CISH: variants seen among roughly 807,000 people sequenced by gnomAD.
CISH encodes the protein cytokine-inducible SH2-containing protein.
CISH carries 11 observed loss-of-function variants against 21.3 expected under a neutral mutation model. That is an observed-to-expected ratio of 0.52 (90% CI 0.32 to 0.85). The LOEUF (loss-of-function observed/expected upper bound fraction) is 0.85, where lower values mean the gene tolerates loss of function less well. CISH is among the 40% of genes least tolerant of loss of function. The pLI, the probability that CISH is intolerant of heterozygous loss-of-function variation, is 0.03. For missense variants in CISH, 280 were observed against 351.7 expected (o/e 0.80, Z 1.63); for synonymous variants, 118 against 142.3 (o/e 0.83, Z 1.22).
Position 50,607,802 on chromosome 3 carries a change from G to A in CISH, c.582C>T (p.Asp194=). The change falls in exon 3 of 3, where the codon GAC becomes GAT. Residue 194 remains aspartate, a synonymous_variant. Transcript: ENST00000348721. ...CTGGTGGAGGAGCAGGCAGTGCTGG[G>A]TCACTAGGCGCATCCTCCTTAGGCA... ...LPMPKEDAPS[D]PALPAPPPAT... 6.2e-7 allele frequency: 1 copy of A among 1,613,836 alleles called. No individual in the cohort carries two copies. The highest frequency in any genetic ancestry group is 8.5e-7 in the Non-Finnish European group (1 of 1,179,928).
Position 50,608,129 on chromosome 3 carries a change from A to G in CISH, c.255T>C (p.Gly85=). 6.2e-7 allele frequency: 1 copy of G among 1,604,608 alleles called. No individual in the cohort carries two copies. Among genetic ancestry groups the G allele is most frequent in the Non-Finnish European group, 8.5e-7 (1 of 1,173,918 alleles). ...SYLRESGWYW[G]SITASEARQH... is the part of the protein sequence containing the mutation. Reference sequence around the variant, plus strand: ...GTCGGGCCTCGCTGGCCGTAATGGAACCCCAATACCAGCCTAGGCAAGTGC... The same window carrying G: ...GTCGGGCCTCGCTGGCCGTAATGGAGCCCCAATACCAGCCTAGGCAAGTGC... The change falls in exon 3 of 3, where the codon GGT becomes GGC. Residue 85 remains glycine, a synonymous_variant. Transcript: ENST00000348721.
chr3:50,607,272 G>C lies in CISH; in HGVS notation c.*335C>G, dbSNP rs1469758739. On this transcript the variant is annotated 3_prime_UTR_variant, in exon 3 of 3. Coordinates refer to ENST00000348721, the MANE Select transcript of CISH (RefSeq NM_145071.4). ...CCCTGGGGATTGAAAAACCAGGGCT[G>C]AGAGTGCCCATACAGTTCAGGTGGC... The C allele has an allele frequency of 1.3e-5, 4 of 296,554 alleles. No individual in the cohort carries two copies. The highest frequency in any genetic ancestry group is 2.6e-5 in the Non-Finnish European group (4 of 156,528). The allele number at this position is 296,554 out of a possible 1,614,324, so 18.4% of individuals were successfully genotyped here.
At chr3:50,611,486 C>G in intron 1 of CISH, 145 bp downstream of exon 1, 1 of 1,470,686 alleles carries the variant, frequency 6.8e-7, no homozygotes, top group Non-Finnish European at 8.9e-7. Context: ...CACAGCCCCA[C>G]ACAGAGCCTT....
chr3:50,610,616 A>C (rs2032295586), intron 1 of CISH: 1 of 1,453,372 alleles, frequency 6.9e-7, no homozygotes, highest in South Asian at 1.4e-5. Context: ...GCAGGTATTC[A>C]GGAGTCCCAG....
At chr3:50,608,814 T>C (rs935006057) in intron 1 of CISH, 34 of 433,108 alleles carry the variant, frequency 7.9e-5, no homozygotes, top group African/African-American at 6.3e-4. Flanking sequence ...GGATCCTCTT[T>C]TGAAAGATTC....
Position 50,608,437 on chromosome 3 carries a change from C to T in CISH, c.177G>A (p.Lys59=). ...GCAGATCCTCCTCTGGGTCCAGCACCTTTGGCTCACTCTCTGTCTGGGCTG... is the reference window on the plus strand; with the variant it reads ...GCAGATCCTCCTCTGGGTCCAGCACTTTTGGCTCACTCTCTGTCTGGGCTG... ...GTPAQTESEP[K]VLDPEEDLLC... Residue 59 remains lysine (K), a synonymous_variant, in exon 2 of 3, where the codon AAG becomes AAA. Transcript: ENST00000348721. The T allele has an allele frequency of 6.2e-7, 1 of 1,613,822 alleles. No individual in the cohort carries two copies. Among genetic ancestry groups the T allele is most frequent in the Non-Finnish European group, 8.5e-7 (1 of 1,179,860 alleles).
At chr3:50,610,689 T>C in intron 1 of CISH, 1 of 1,367,094 alleles carries the variant, frequency 7.3e-7, no homozygotes, top group South Asian at 1.6e-5. Flanking sequence ...TCCCAGCACC[T>C]CCATGTCCTC....
Position 50,608,390 on chromosome 3 carries a change from G to A in CISH, c.224C>T (p.Ser75Phe), listed in dbSNP as rs2107558924. Residue 75 changes from serine to phenylalanine, a missense_variant, in exon 2 of 3, where the codon TCC (serine) becomes TTC (phenylalanine). Coordinates refer to ENST00000348721, the MANE Select transcript of CISH (RefSeq NM_145071.4). ...EDLLCIAKTF[S>F]YLRESGWYWG... is the part of the protein sequence containing the mutation. Reference sequence around the variant, plus strand: ...AGACTCACCAGATTCCCGAAGGTAGGAGAAGGTCTTGGCTATGCACAGCAG... The same window carrying A: ...AGACTCACCAGATTCCCGAAGGTAGAAGAAGGTCTTGGCTATGCACAGCAG... 2 of 1,606,066 alleles carry A rather than the reference G, an allele frequency of 1.2e-6. No individual in the cohort carries two copies. Among genetic ancestry groups the A allele is most frequent in the Non-Finnish European group, 1.7e-6 (2 of 1,176,280 alleles).
Position 50,611,653 on chromosome 3 carries a change from C to A in CISH, c.-3G>T, listed in dbSNP as rs1173925437. ...TACCCCTGAACGCAGAGGACCATGT[C>A]CCCGCGGCAGCGGCGACTCCGGAGT... is the stretch of plus-strand genomic sequence containing the variant. On this transcript the variant is annotated 5_prime_UTR_variant, in exon 1 of 3. Coordinates refer to ENST00000348721, the MANE Select transcript of CISH (RefSeq NM_145071.4). The A allele has an allele frequency of 1.3e-6, 2 of 1,490,926 alleles. No homozygotes were observed. Among genetic ancestry groups the A allele is most frequent in the African/African-American group, 2.9e-5 (2 of 68,162 alleles). 92.4% of individuals were successfully genotyped at this position (1,490,926 alleles called of 1,614,324 possible). A position where few individuals can be genotyped will look rare whatever the true frequency, so the allele number is the denominator to read the frequency against.
chr3:50,607,581 G>A lies in CISH; in HGVS notation c.*26C>T, dbSNP rs757826629. On this transcript the variant is annotated 3_prime_UTR_variant, in exon 3 of 3. Coordinates refer to ENST00000348721, the MANE Select transcript of CISH (RefSeq NM_145071.4). ...TGTCCCCTCCAGGGTGCGACTGGGT[G>A]AGGGTGGGCAGATTGCCCCGTACAG... 6.9e-6 allele frequency: 11 copies of A among 1,587,310 alleles called. No homozygotes were observed. The highest frequency in any genetic ancestry group is 6.9e-5 in the South Asian group (6 of 87,486).
rs201896056 is a variant in CISH at position 50,608,480 on chromosome 3, T to A, written c.134A>T (p.Glu45Val). ...CTGGGCTGGGGTACCCTCTGCCACC[T>A]CCTCGAGGAAGGCCCCAGCAGGCAA... ...QPLPAGAFLE[E>V]VAEGTPAQTE... The change falls in exon 2 of 3, where the codon GAG becomes GTG. Residue 45 changes from glutamate (E) to valine (V), a missense_variant. By Grantham distance (121) the Glu-to-Val change is moderately radical. Coordinates refer to ENST00000348721, the MANE Select transcript of CISH (RefSeq NM_145071.4). 273 of 1,613,276 alleles carry A rather than the reference T, an allele frequency of 1.7e-4. 1 individual carries two copies. The East Asian group carries it at 5.7e-3, about 34-fold the overall frequency.
chr3:50,610,723 T>A, intron 1 of CISH: 2 of 1,286,214 alleles, frequency 1.6e-6, no homozygotes, highest in Non-Finnish European at 2.0e-6. Flanking sequence ...CCTTCCACCC[T>A]CCCTCACTTG....
At position 50,608,454 on chromosome 3, in the gene CISH, T is replaced by A. The variant is rs1296833352; in HGVS notation, c.160A>T (p.Thr54Ser). 1 of 1,613,810 alleles carries A rather than the reference T, an allele frequency of 6.2e-7. No individual in the cohort carries two copies. Among genetic ancestry groups the A allele is most frequent in the Non-Finnish European group, 8.5e-7 (1 of 1,179,876 alleles). ...TCCAGCACCTTTGGCTCACTCTCTG[T>A]CTGGGCTGGGGTACCCTCTGCCACC... ...EEVAEGTPAQ[T>S]ESEPKVLDPE... Residue 54 changes from threonine (T) to serine (S), a missense_variant, in exon 2 of 3, where the codon ACA becomes TCA. Transcript: ENST00000348721.
chr3:50,608,328 C>A, intron 2 of CISH, 45 bp downstream of exon 2: 1 of 1,538,458 alleles, frequency 6.5e-7, no homozygotes. Context: ...AAGCTTCTCC[C>A]ACCAGACTAC....
chr3:50,608,713 G>T, intron 1 of CISH, 120 bp from the exon 2 acceptor site: 1 of 629,426 alleles, frequency 1.6e-6, no homozygotes, highest in Non-Finnish European at 2.5e-6. Flanking sequence ...ATGAGCCTCA[G>T]CTTCCCCTCT....
rs948684941 is a variant in CISH, at chr3:50,606,636, G to A, written c.*971C>T. 1 of 152,214 alleles carries A rather than the reference G, an allele frequency of 6.6e-6. No homozygotes were observed. Among genetic ancestry groups the A allele is most frequent in the Non-Finnish European group, 1.5e-5 (1 of 68,038 alleles). The allele number at this position is 152,214 out of a possible 1,614,324, so 9.4% of individuals were successfully genotyped here. A position where few individuals can be genotyped will look rare whatever the true frequency, so the allele number is the denominator to read the frequency against. ...TATTTCATGAAGTCTTATCAGACGT[G>A]TATTTCTCTCCTCTCATGTGCAGGC... On this transcript the variant is annotated 3_prime_UTR_variant, in exon 3 of 3. Coordinates refer to ENST00000348721, the MANE Select transcript of CISH (RefSeq NM_145071.4).
intron 1 of CISH, chr3:50,611,235 G>C (rs374526251): frequency 9.2e-7 from 1 of 1,085,144 alleles, no homozygotes; most frequent in African/African-American, 1.7e-5. Context: ...GCCAGGGGCT[G>C]GTCCAAGGTT....
chr3:50,607,550 G>T lies in CISH; in HGVS notation c.*57C>A. The T allele has an allele frequency of 6.5e-7, 1 of 1,539,400 alleles. No homozygotes were observed. Among genetic ancestry groups the T allele is most frequent in the Non-Finnish European group, 8.8e-7 (1 of 1,134,000 alleles). ...ACAGTGGGGGCCCAAGTCCAGCTGG[G>T]GCTGATGTCCCCTCCAGGGTGCGAC... On this transcript the variant is annotated 3_prime_UTR_variant, in exon 3 of 3. Coordinates refer to ENST00000348721, the MANE Select transcript of CISH (RefSeq NM_145071.4).
Position 50,611,639 on chromosome 3 carries a change from G to C in CISH, c.12C>G (p.Cys4Trp). Residue 4 changes from cysteine to tryptophan, a missense_variant, in exon 1 of 3, where the codon TGC becomes TGG. Physicochemically the swap from Cys to Trp is radical, Grantham distance 215. Transcript: ENST00000348721. MVLCVQGPRPLLAV... is the reference protein window; with the variant it reads MVLWVQGPRPLLAV... The stretch of plus-strand genomic sequence containing the variant: ...CAGAGAGCCGCGCTTACCCCTGAAC[G>C]CAGAGGACCATGTCCCCGCGGCAGC... 6.6e-7 allele frequency: 1 copy of C among 1,506,686 alleles called. No individual in the cohort carries two copies. The highest frequency in any genetic ancestry group is 1.3e-5 in the South Asian group (1 of 79,722). 93.3% of individuals were successfully genotyped at this position (1,506,686 alleles called of 1,614,324 possible).
Sources: gnomAD v4.1 joint callset for allele counts on GRCh38, gnomAD v4.1.1 for gene constraint, MANE v1.5 for transcripts, NCBI Gene and HGNC (gene_info 2026-07-23, HGNC 2026-07-21) for gene names.